PCK1: variants seen among roughly 807,000 people sequenced by gnomAD.
PCK1 encodes the protein phosphoenolpyruvate carboxykinase 1.
In PCK1, 44 loss-of-function variants were observed where a neutral mutation model predicts 50.3. The observed-to-expected ratio is 0.87, with a 90% confidence interval of 0.69 to 1.12. The LOEUF is 1.12. Ranked by LOEUF, PCK1 falls within the 50% of genes most tolerant of loss-of-function variation. The pLI is 0.00. For missense variants in PCK1, 790 were observed against 815.0 expected (o/e 0.97, Z 0.37); for synonymous variants, 332 against 314.3 (o/e 1.06, Z -0.59).
At chr20:57,564,919 TA>T (rs1322606966) in intron 8 of PCK1, 120 bp from the exon 9 acceptor site, 1 of 787,812 alleles carries the variant, frequency 1.3e-6, no homozygotes. Flanking sequence ...AACGCAAAAC[TA>T]GCTCGATTAC....
In PCK1 at chr20:57,565,037, AAGGTGTCCCTCT is replaced by A. The variant is rs773772740; in HGVS notation, c.1319_1330del (p.Gly440_Leu443del). 6.2e-6 allele frequency: 10 copies of A among 1,607,086 alleles called. No homozygotes were observed. In the South Asian group the frequency reaches 1.1e-4, roughly 18 times the overall value. ...ACATTTCTCTTTTTTTTTCCTGCTA[AAGGTGTCCCTCT>A]AGTCTATGAAGCTCTCAGCTGGCAA... On this transcript the variant is annotated splice_acceptor_variant and coding_sequence_variant, in exon 9 of 10. Coordinates refer to ENST00000319441, the MANE Select transcript of PCK1 (RefSeq NM_002591.4). LOFTEE classifies it high-confidence loss of function.
rs955055824 is a variant in PCK1, at chr20:57,566,767, T to G, written c.*963T>G. ...CTGGGAGGGTTTAATGCATGCTTTT[T>G]GACAGTTTGGATCTGGAGGGGTCTC... On this transcript the variant is annotated 3_prime_UTR_variant, in exon 10 of 10. Coordinates refer to ENST00000319441, the MANE Select transcript of PCK1 (RefSeq NM_002591.4). The G allele has an allele frequency of 2.0e-5, 3 of 152,232 alleles. No individual in the cohort carries two copies. Among genetic ancestry groups the G allele is most frequent in the Non-Finnish European group, 4.4e-5 (3 of 68,050 alleles). 9.4% of individuals were successfully genotyped at this position (152,232 alleles called of 1,614,324 possible).
chr20:57,563,476 T>C (rs1341297833), intron 5 of PCK1, 89 bp from the exon 6 acceptor site: 2 of 859,368 alleles, frequency 2.3e-6, no homozygotes, highest in East Asian at 4.9e-5. Context: ...AAATAGATCT[T>C]GAGGGCCTAC....
rs1600706317 is a variant in PCK1, at chr20:57,562,170, A to G, written c.324A>G (p.Thr108=). 1.2e-6 allele frequency: 2 copies of G among 1,614,174 alleles called. No individual in the cohort carries two copies. The highest frequency in any genetic ancestry group is 1.3e-5 in the African/African-American group (1 of 75,060). Residue 108 remains threonine, a synonymous_variant, in exon 3 of 10, where the codon ACA becomes ACG. Coordinates refer to ENST00000319441, the MANE Select transcript of PCK1 (RefSeq NM_002591.4). The part of the protein sequence containing the change: ...EQRDTVPIPK[T]GLSQLGRWMS... ...GAGACACAGTGCCCATCCCCAAAAC[A>G]GGCCTCAGCCAGCTCGGTCGCTGGA...
chr20:57,563,267 G>A (rs2146528462), intron 5 of PCK1, 52 bp downstream of exon 5: 1 of 1,527,898 alleles, frequency 6.5e-7, no homozygotes, highest in Non-Finnish European at 9.0e-7. Context: ...GGGGGTGGCA[G>A]AAACAAACAG....
rs141075201 is a variant in PCK1 at position 57,566,161 on chromosome 20, ATGTG to A, written c.*390_*393del. The A allele has an allele frequency of 0.21, 33,875 of 159,244 alleles. 3,465 individuals carry two copies. Among genetic ancestry groups the A allele is most frequent in the East Asian group, 0.25 (1,425 of 5,736 alleles). 9.9% of individuals were successfully genotyped at this position (159,244 alleles called of 1,614,324 possible). A position where few individuals can be genotyped will look rare whatever the true frequency, so the allele number is the denominator to read the frequency against. The stretch of plus-strand genomic sequence containing the variant: ...AAAAATACTTGAGCTGTATATATAT[ATGTG>A]TGTGTGTGTGTGTGTGTGTGTGTGT... On this transcript the variant is annotated 3_prime_UTR_variant, in exon 10 of 10. Transcript: ENST00000319441.
In PCK1 at chr20:57,562,778, A is replaced by G. The variant is rs1062601; in HGVS notation, c.489A>G (p.Ser163=). ...AGATCGGCATCGAGCTGACGGATTC[A>G]CCCTACGTGGTGGCCAGCATGCGGA... ...LSKIGIELTD[S]PYVVASMRIM... The change falls in exon 4 of 10, where the codon TCA becomes TCG. Residue 163 remains serine, a synonymous_variant. Transcript: ENST00000319441. The G allele has an allele frequency of 0.47, 752,558 of 1,609,402 alleles. 184,534 individuals carry two copies. Among genetic ancestry groups the G allele is most frequent in the Middle Eastern group, 0.59 (3,562 of 6,038 alleles).
At position 57,565,745 on chromosome 20, in the gene PCK1, C is replaced by T. The variant is rs1370698333; in HGVS notation, c.1810C>T (p.Leu604Phe). ...TCTGGAGGATCAAGTCAATGCCGAC[C>T]TCCCCTGTGAAATCGAGAGAGAGAT... Reference protein sequence around the residue: ...KYLEDQVNADLPCEIEREILA... With the variant: ...KYLEDQVNADFPCEIEREILA... The change falls in exon 10 of 10, where the codon CTC becomes TTC. Residue 604 changes from leucine (L) to phenylalanine (F), a missense_variant. Physicochemically the swap from Leu to Phe is conservative, Grantham distance 22. Transcript: ENST00000319441. The T allele has an allele frequency of 6.2e-7, 1 of 1,613,650 alleles. No homozygotes were observed.
chr20:57,563,667 C>T lies in PCK1; in HGVS notation c.901C>T (p.Pro301Ser). ...CCTGGCCATGATGAACCCCAGCCTC[C>T]CCGGGTGGAAGGTTGAGTGCGTCGG... ...TNLAMMNPSL[P>S]GWKVECVGDD... is the part of the protein sequence containing the mutation. Residue 301 changes from proline to serine, a missense_variant, in exon 6 of 10, where the codon CCC becomes TCC. Physicochemically the swap from Pro to Ser is moderately conservative, Grantham distance 74. Transcript: ENST00000319441. 2 of 1,613,890 alleles carry T rather than the reference C, an allele frequency of 1.2e-6. No individual in the cohort carries two copies. Among genetic ancestry groups the T allele is most frequent in the Non-Finnish European group, 1.7e-6 (2 of 1,179,852 alleles).
chr20:57,563,286 T>G, intron 5 of PCK1, 71 bp downstream of exon 5: 1 of 1,378,472 alleles, frequency 7.3e-7, no homozygotes, highest in Non-Finnish European at 1.0e-6. Flanking sequence ...AGCATTACAG[T>G]TCCCACCCGT....
At chr20:57,562,274 T>C (rs1035071476) in intron 3 of PCK1, 22 bp downstream of exon 3, 10 of 1,604,332 alleles carry the variant, frequency 6.2e-6, no homozygotes, top group Admixed American at 3.3e-5. Flanking sequence ...ATTGATTTGA[T>C]TGGGTAAAAC....
In PCK1 at chr20:57,562,763, C is replaced by A. The variant is rs764002893; in HGVS notation, c.474C>A (p.Ile158=). The part of the protein sequence containing the change: ...PLGSPLSKIG[I]ELTDSPYVVA... Reference sequence around the variant, plus strand: ...GCTCGCCTCTGTCAAAGATCGGCATCGAGCTGACGGATTCACCCTACGTGG... The same window carrying A: ...GCTCGCCTCTGTCAAAGATCGGCATAGAGCTGACGGATTCACCCTACGTGG... The change falls in exon 4 of 10, where the codon ATC becomes ATA. Residue 158 remains isoleucine (I), a synonymous_variant. Transcript: ENST00000319441. The A allele has an allele frequency of 3.7e-6, 6 of 1,613,990 alleles. No homozygotes were observed. The Admixed American group carries it at 5.0e-5, about 13-fold the overall frequency.
chr20:57,561,204 G>A lies in PCK1; in HGVS notation c.-41+1G>A. 2 of 498,322 alleles carry A rather than the reference G, an allele frequency of 4.0e-6. No homozygotes were observed. Among genetic ancestry groups the A allele is most frequent in the South Asian group, 2.8e-5 (1 of 36,084 alleles). The allele number at this position is 498,322 out of a possible 1,614,324, so 30.9% of individuals were successfully genotyped here. On this transcript the variant is annotated splice_donor_variant, in intron 1 of 9. Coordinates refer to ENST00000319441, the MANE Select transcript of PCK1 (RefSeq NM_002591.4). LOFTEE classifies it low-confidence loss of function (5UTR_SPLICE). The stretch of plus-strand genomic sequence containing the variant: ...TCGAGATCATCCAAAGAGAAGAAAG[G>A]TAAGTAGAGCTTTGCATTTACATTT...
At position 57,561,635 on chromosome 20, in the gene PCK1, G is replaced by A. The variant is rs775170603; in HGVS notation, c.224G>A (p.Cys75Tyr). The A allele has an allele frequency of 6.2e-7, 1 of 1,602,498 alleles. No homozygotes were observed. Among genetic ancestry groups the A allele is most frequent in the East Asian group, 2.2e-5 (1 of 44,842 alleles). Residue 75 changes from cysteine (C) to tyrosine (Y), a missense_variant and splice_region_variant, in exon 2 of 10, where the codon TGC becomes TAC. Physicochemically the swap from Cys to Tyr is radical, Grantham distance 194. Coordinates refer to ENST00000319441, the MANE Select transcript of PCK1 (RefSeq NM_002591.4). ...AGGCGGCTGAAGAAGTATGACAACT[G>A]GTAAGCTCGGCCCCCGCTGCCTGTC... Reference protein sequence around the residue: ...ILRRLKKYDNCWLALTDPRDV... With the variant: ...ILRRLKKYDNYWLALTDPRDV...
Position 57,566,050 on chromosome 20 carries a change from T to G in PCK1, c.*246T>G, listed in dbSNP as rs1001887651. The G allele has an allele frequency of 1.9e-5, 9 of 464,916 alleles. No homozygotes were observed. Among genetic ancestry groups the G allele is most frequent in the Non-Finnish European group, 2.3e-5 (6 of 262,526 alleles). 28.8% of individuals were successfully genotyped at this position (464,916 alleles called of 1,614,324 possible). On this transcript the variant is annotated 3_prime_UTR_variant, in exon 10 of 10. Transcript: ENST00000319441. ...CCAAAAATTCACATCCAATGCATAGTTTGTTCAAATTTAAGGTTACTCAGG... is the reference window on the plus strand; with the variant it reads ...CCAAAAATTCACATCCAATGCATAGGTTGTTCAAATTTAAGGTTACTCAGG...
In PCK1 at chr20:57,564,601, C is replaced by A; in HGVS notation, c.1306C>A (p.Arg436Ser). The change falls in exon 8 of 10, where the codon CGT becomes AGT. Residue 436 changes from arginine to serine, a missense_variant. Transcript: ENST00000319441. The part of the protein sequence containing the change: ...VPIEGIIFGG[R>S]RPAGVPLVYE... The stretch of plus-strand genomic sequence containing the variant: ...CATTGAAGGCATTATCTTTGGAGGC[C>A]GTAGACCTGCTGGTGAGGCTCTCCT... 2 of 1,596,718 alleles carry A rather than the reference C, an allele frequency of 1.3e-6. No homozygotes were observed. Among genetic ancestry groups the A allele is most frequent in the Non-Finnish European group, 8.5e-7 (1 of 1,170,240 alleles).
chr20:57,564,519 C>T lies in PCK1; in HGVS notation c.1224C>T (p.Thr408=), dbSNP rs1393982693. The change falls in exon 8 of 10, where the codon ACC becomes ACT. Residue 408 remains threonine (T), a synonymous_variant. Coordinates refer to ENST00000319441, the MANE Select transcript of PCK1 (RefSeq NM_002591.4). ...CCCACCCCAACTCGAGGTTCTGCAC[C>T]CCTGCCAGCCAGTGCCCCATCATTG... is the stretch of plus-strand genomic sequence containing the variant. The part of the protein sequence containing the change: ...PCAHPNSRFC[T]PASQCPIIDA... 1.2e-5 allele frequency: 19 copies of T among 1,614,024 alleles called. No homozygotes were observed. Among genetic ancestry groups the T allele is most frequent in the Non-Finnish European group, 1.4e-5 (17 of 1,179,992 alleles).
intron 8 of PCK1, 86 bp from the exon 9 acceptor site, chr20:57,564,954 T>C (rs1038798667): frequency 5.1e-6 from 5 of 981,636 alleles, no homozygotes; most frequent in Non-Finnish European, 8.0e-6. Flanking sequence ...TGCCGTGTCT[T>C]TCCGTGTTGT....
rs533717610 is a variant in PCK1, at chr20:57,564,238, A to G, written c.1031A>G (p.Asn344Ser). 1 of 1,614,138 alleles carries G rather than the reference A, an allele frequency of 6.2e-7. No individual in the cohort carries two copies. Among genetic ancestry groups the G allele is most frequent in the Admixed American group, 1.7e-5 (1 of 60,030 alleles). ...GVAPGTSVKT[N>S]PNAIKTIQKN... Reference sequence around the variant, plus strand: ...GCTCCTGGGACTTCAGTGAAGACCAACCCCAATGCCATCAAGACCATCCAG... The same window carrying G: ...GCTCCTGGGACTTCAGTGAAGACCAGCCCCAATGCCATCAAGACCATCCAG... Residue 344 changes from asparagine (N) to serine (S), a missense_variant, in exon 7 of 10, where the codon AAC becomes AGC. By Grantham distance (46) the Asn-to-Ser change is conservative. Transcript: ENST00000319441.
Sources: allele counts gnomAD v4.1 joint callset, GRCh38; gene constraint gnomAD v4.1.1; transcripts MANE v1.5; gene names NCBI Gene and HGNC (gene_info 2026-07-23, HGNC 2026-07-21).